MAP3K19: variants seen among roughly 807,000 people sequenced by gnomAD.
MAP3K19 encodes the protein SPS1/STE20-related protein kinase YSK4.
MAP3K19 carries 91 observed loss-of-function variants against 114.4 expected under a neutral mutation model. That is an observed-to-expected ratio of 0.80 (90% confidence interval 0.67 to 0.95). The LOEUF (loss-of-function observed/expected upper bound fraction) is 0.95, where lower values mean the gene tolerates loss of function less well. Ranked by LOEUF, MAP3K19 falls within the 40% of genes least tolerant of loss-of-function variation. The pLI is 0.00. For missense variants in MAP3K19, 1,471 were observed against 1,573.2 expected, an observed-to-expected ratio of 0.94 and a Z score of 1.10; for synonymous variants, 518 against 530.5, an observed-to-expected ratio of 0.98 and a Z score of 0.32.
chr2:134,965,424 G>T (rs1290847068), intron 12 of MAP3K19, among the ~76,000 whole-genome samples: 1 of 152,226 alleles, frequency 6.6e-6, no homozygotes, highest in Admixed American at 6.5e-5. Context: ...ACGTAAGATA[G>T]AGGGAGACAG....
In MAP3K19 at chr2:134,981,389, G is replaced by C. The variant is rs1194268966; in HGVS notation, c.3352C>G (p.Leu1118Val). The C allele has an allele frequency of 1.9e-6, 3 of 1,614,100 alleles. No homozygotes were observed. The highest frequency in any genetic ancestry group is 1.6e-4 in the Middle Eastern group (1 of 6,082). Residue 1118 changes from leucine to valine, a missense_variant, in exon 12 of 13, where the codon CTG becomes GTG. Physicochemically the swap from Leu to Val is conservative, Grantham distance 32 (BLOSUM62 1). Coordinates refer to ENST00000392915, the MANE Select transcript of MAP3K19 (RefSeq NM_025052.5). ...TAGGCCACAATGTTGACATGTTTCA[G>C]TGCTTTGAGCAAATCTACTTCTTCC... is the stretch of plus-strand genomic sequence containing the variant. The part of the protein sequence containing the change: ...LQEEVDLLKA[L>V]KHVNIVAYLG...
chr2:135,013,733 G>C (rs1217565843), intron 5 of MAP3K19, among the ~76,000 whole-genome samples: 1 of 151,980 alleles, frequency 6.6e-6, no homozygotes, highest in Admixed American at 6.6e-5. Context: ...TATCTGTTCT[G>C]TTTCCCTCCT....
intron 1 of MAP3K19, among the ~76,000 whole-genome samples, chr2:135,042,951 C>T (rs1047303532): frequency 7.9e-5 from 12 of 151,898 alleles, no homozygotes; most frequent in African/African-American, 1.7e-4. Flanking sequence ...GGTGTGGTGG[C>T]GCGCACCTGT....
At position 134,991,547 on chromosome 2, in the gene MAP3K19, C is replaced by T. The variant is rs776179464; in HGVS notation, c.608G>A (p.Arg203Gln). ...TAGCACTAATCTTACCTTGATGCTTCGGCCACTGTACTTCATATGAGAGGT... is the reference window on the plus strand; with the variant it reads ...TAGCACTAATCTTACCTTGATGCTTTGGCCACTGTACTTCATATGAGAGGT... ...FSTSHMKYSG[R>Q]SIKFLLPPLS... Residue 203 changes from arginine (R) to glutamine (Q), a missense_variant, in exon 9 of 13, where the codon CGA becomes CAA. Coordinates refer to ENST00000392915, the MANE Select transcript of MAP3K19 (RefSeq NM_025052.5). 6.2e-6 allele frequency: 10 copies of T among 1,612,648 alleles called. No individual in the cohort carries two copies. Among genetic ancestry groups the T allele is most frequent in the South Asian group, 3.3e-5 (3 of 91,054 alleles).
intron 5 of MAP3K19, among the ~76,000 whole-genome samples, chr2:135,016,542 C>A (rs1030044390): frequency 6.6e-6 from 1 of 152,174 alleles, no homozygotes; most frequent in Non-Finnish European, 1.5e-5. Flanking sequence ...TACACACACA[C>A]ACAAACCTGC....
rs58716255 is a variant in MAP3K19, at chr2:134,968,599, G to A, written c.3921-3683C>T. Among the ~76,000 whole-genome samples, 475 of 149,584 alleles carry A rather than the reference G, an allele frequency of 3.2e-3. 1 individual carries two copies. The highest frequency in any genetic ancestry group is 0.011 in the African/African-American group (433 of 39,878). On this transcript the variant is annotated intron_variant, in intron 12 of 12. Transcript: ENST00000392915. ...GGGCTCCTCACTTCTCAGACGGGGC[G>A]GTTGCCAGGCAGAGGGTCTCCTCAC...
chr2:135,018,119 C>T (rs1687698158), intron 5 of MAP3K19, among the ~76,000 whole-genome samples: 1 of 151,776 alleles, frequency 6.6e-6, no homozygotes, highest in Non-Finnish European at 1.5e-5. Context: ...TAGAGAAACC[C>T]CGTCTCTACT....
chr2:134,977,356 A>ATTTTTTTTTTTTTTTT (rs774277347), intron 12 of MAP3K19, among the ~76,000 whole-genome samples: 1 of 86,832 alleles, frequency 1.2e-5, no homozygotes. Context: ...TAATTTTTAA[A>ATTTTTTTTTTTTTTTT]TTTTTTTTTT....
intron 4 of MAP3K19, chr2:135,023,235 A>G (rs1688100541): frequency 5.9e-6 from 2 of 340,444 alleles, no homozygotes; most frequent in African/African-American, 2.2e-5. Flanking sequence ...TCTCTTTTCC[A>G]ATTTAACATT....
intron 1 of MAP3K19, among the ~76,000 whole-genome samples, chr2:135,041,781 A>G (rs1688650144): frequency 6.6e-6 from 1 of 152,250 alleles, no homozygotes; most frequent in African/African-American, 2.4e-5. Context: ...ATTGAAAGCA[A>G]AAGAACAAGA....
rs1440429146 is a variant in MAP3K19 at position 134,998,470 on chromosome 2, C to A, written c.574+268G>T. ...CAATAAGATATTCTCAAAATATTTG[C>A]CTTCTATTCCTTGAACAAATATATA... On this transcript the variant is annotated intron_variant, in intron 8 of 12. Transcript: ENST00000392915. Among the ~76,000 whole-genome samples, 4 of 152,248 alleles carry A rather than the reference C, an allele frequency of 2.6e-5. No homozygotes were observed. In the East Asian group the frequency reaches 7.7e-4, roughly 29 times the overall value.
Position 134,986,304 on chromosome 2 carries a change from C to G in MAP3K19, c.2568G>C (p.Trp856Cys). The change falls in exon 10 of 13, where the codon TGG becomes TGC. Residue 856 changes from tryptophan (W) to cysteine (C), a missense_variant. Physicochemically the swap from Trp to Cys is radical, Grantham distance 215. Coordinates refer to ENST00000392915, the MANE Select transcript of MAP3K19 (RefSeq NM_025052.5). ...TAGAATTCTTCTCACTGGGCACTGC[C>G]CAGCTGTCTTCTGAAGGGATAAATG... ...QIPFIPSEDS[W>C]AVPSEKNSNK... 6.2e-7 allele frequency: 1 copy of G among 1,613,956 alleles called. No homozygotes were observed. The highest frequency in any genetic ancestry group is 1.1e-5 in the South Asian group (1 of 91,040).
At chr2:135,033,869 C>CG (rs1212677454) in intron 2 of MAP3K19, among the ~76,000 whole-genome samples, 1 of 28,178 alleles carries the variant, frequency 3.5e-5, no homozygotes, top group Non-Finnish European at 5.6e-5. Flanking sequence ...GCTGGCCTGG[C>CG]GGGGGCTGAC....
chr2:134,986,596 C>A lies in MAP3K19; in HGVS notation c.2276G>T (p.Gly759Val). 1 of 1,614,158 alleles carries A rather than the reference C, an allele frequency of 6.2e-7. No homozygotes were observed. The highest frequency in any genetic ancestry group is 8.5e-7 in the Non-Finnish European group (1 of 1,180,030). The change falls in exon 10 of 13, where the codon GGT (glycine) becomes GTT (valine). Residue 759 changes from glycine (G) to valine (V), a missense_variant. By Grantham distance (109) the Gly-to-Val change is moderately radical. Coordinates refer to ENST00000392915, the MANE Select transcript of MAP3K19 (RefSeq NM_025052.5). ...CCAGTCTGGTTCTGAAATACCATCA[C>A]CATTTTCAATGTCATGTAGGTTGCT... ...VHSNLHDIENGDGISEPDWQI... is the reference protein window; with the variant it reads ...VHSNLHDIENVDGISEPDWQI...
At chr2:135,014,564 A>T (rs1687460035) in intron 5 of MAP3K19, among the ~76,000 whole-genome samples, 1 of 152,068 alleles carries the variant, frequency 6.6e-6, no homozygotes, top group African/African-American at 2.4e-5. Context: ...CTTTTCCATT[A>T]CTTTTGATTT....
chr2:134,999,811 C>T lies in MAP3K19; in HGVS notation c.314+126G>A. On this transcript the variant is annotated intron_variant, in intron 7 of 12. Coordinates refer to ENST00000392915, the MANE Select transcript of MAP3K19 (RefSeq NM_025052.5). This position sits in a 1 kb window ranked among gnomAD's most constrained non-coding sequence, Gnocchi z 4.1. ...TTTATGATCTGGCCTCTGCCACATA[C>T]TATTTATTGTGACCTCTACTTTTAA... is the stretch of plus-strand genomic sequence containing the variant. 1 of 689,680 alleles carries T rather than the reference C, an allele frequency of 1.4e-6. No homozygotes were observed. Among genetic ancestry groups the T allele is most frequent in the East Asian group, 2.7e-5 (1 of 36,748 alleles). The allele number at this position is 689,680 out of a possible 1,614,324, so 42.7% of individuals were successfully genotyped here. A position where few individuals can be genotyped will look rare whatever the true frequency, so the allele number is the denominator to read the frequency against.
intron 6 of MAP3K19, among the ~76,000 whole-genome samples, chr2:135,000,483 C>CTTGCGCT (rs1686361931): frequency 6.6e-6 from 1 of 152,212 alleles, no homozygotes; most frequent in Admixed American, 6.5e-5. Flanking sequence ...AGAATACGCG[C>CTTGCGCT]TTGCTCACAA....
At chr2:135,034,764 G>C (rs538003143) in intron 2 of MAP3K19, among the ~76,000 whole-genome samples, 5 of 143,018 alleles carry the variant, frequency 3.5e-5, no homozygotes, top group South Asian at 4.8e-4. Context: ...GTCCAGCTTC[G>C]GCTGGGCATC....
intron 2 of MAP3K19, among the ~76,000 whole-genome samples, chr2:135,036,635 TTATGTGTG>T (rs1166906687): frequency 1.1e-4 from 14 of 126,426 alleles, no homozygotes; most frequent in South Asian, 3.2e-4. Flanking sequence ...GAGTTCAACA[TTATGTGTG>T]TGTGTGTGTG....
Sources: gnomAD v4.1 joint callset for allele counts (sites outside exome capture counted in the v4.1 genomes callset) on GRCh38, gnomAD v4.1.1 for gene constraint, Gnocchi (gnomAD v3.1) non-coding constraint, MANE v1.5 for transcripts, NCBI Gene and HGNC (gene_info 2026-07-23, HGNC 2026-07-21) for gene names.